Variants in USP40 observed in about 807,000 individuals in gnomAD.
USP40 encodes ubiquitin specific peptidase 40, also known as ubiquitin carboxyl-terminal hydrolase 40.
In USP40, 143 loss-of-function variants were observed where a neutral mutation model predicts 166.2. The ratio of observed to expected loss-of-function variants is 0.86; its 90% CI spans 0.75 to 0.99. The LOEUF (loss-of-function observed/expected upper bound fraction) is 0.99, where lower values mean the gene tolerates loss of function less well. USP40 is among the 50% of genes least tolerant of loss of function. USP40 has a pLI of 0.00. For missense variants in USP40, 1,444 were observed against 1,479.7 expected, an observed-to-expected ratio of 0.98 and a Z score of 0.40; for synonymous variants, 498 against 524.0, an observed-to-expected ratio of 0.95 and a Z score of 0.68.
intron 27 of USP40, 46 bp from the exon 28 acceptor site, chr2:233,488,350 A>C: frequency 6.7e-7 from 1 of 1,490,214 alleles, no homozygotes; most frequent in Non-Finnish European, 9.1e-7. Context: ...ATAACATTTA[A>C]TTTTCTTGAA....
At chr2:233,525,632 T>C (rs767727117) in intron 13 of USP40, 70 bp from the exon 14 acceptor site, 233 of 1,162,222 alleles carry the variant, frequency 2.0e-4, no homozygotes, top group Admixed American at 5.5e-4. Context: ...TCCAGGTTAC[T>C]GTGCCAACTC....
chr2:233,530,489 C>T (rs1158368521), intron 11 of USP40, among the ~76,000 whole-genome samples: 1 of 152,134 alleles, frequency 6.6e-6, no homozygotes, highest in Non-Finnish European at 1.5e-5. Context: ...TACTTTAAGA[C>T]AAACTTGTGA....
chr2:233,477,099 G>C lies in USP40; in HGVS notation c.*293C>G. 2.4e-6 allele frequency: 1 copy of C among 417,294 alleles called. No individual in the cohort carries two copies. Among genetic ancestry groups the C allele is most frequent in the South Asian group, 2.1e-5 (1 of 47,390 alleles). The allele number at this position is 417,294 out of a possible 1,614,324, so 25.8% of individuals were successfully genotyped here. A position where few individuals can be genotyped will look rare whatever the true frequency, so the allele number is the denominator to read the frequency against. Reference sequence around the variant, plus strand: ...TCACGCACACGTTGTGCATTTTCTGGTTAAAAGAAAAAAAAAGGCAGCTGG... The same window carrying C: ...TCACGCACACGTTGTGCATTTTCTGCTTAAAAGAAAAAAAAAGGCAGCTGG... On this transcript the variant is annotated 3_prime_UTR_variant, in exon 32 of 32. Transcript: ENST00000678225.
intron 21 of USP40, among the ~76,000 whole-genome samples, chr2:233,509,186 A>T (rs977940156): frequency 2.6e-5 from 4 of 152,204 alleles, no homozygotes; most frequent in Admixed American, 6.5e-5. Context: ...TGGAAAAAAA[A>T]TTTTTTAAGA....
intron 11 of USP40, 59 bp from the exon 12 acceptor site, chr2:233,529,571 A>G: frequency 7.3e-7 from 1 of 1,364,766 alleles, no homozygotes; most frequent in Non-Finnish European, 1.0e-6. Flanking sequence ...TTGCTGGAAG[A>G]GGTAGCATGA....
chr2:233,487,154 T>C (rs1439215519), intron 28 of USP40, among the ~76,000 whole-genome samples: 2 of 152,230 alleles, frequency 1.3e-5, no homozygotes, highest in Non-Finnish European at 2.9e-5. Flanking sequence ...AAGAGAGCTT[T>C]TCCTTTAGAC....
chr2:233,512,802 C>T, intron 18 of USP40, 180 bp from the exon 19 acceptor site: 1 of 325,990 alleles, frequency 3.1e-6, no homozygotes, highest in Non-Finnish European at 5.6e-6. Context: ...ACCAAAAACC[C>T]CCCAACAACC....
intron 9 of USP40, among the ~76,000 whole-genome samples, chr2:233,541,631 A>G (rs1185413856): frequency 6.6e-6 from 1 of 152,264 alleles, no homozygotes; most frequent in East Asian, 1.9e-4. Flanking sequence ...CAATATAATT[A>G]AAGTACTCGA....
intron 8 of USP40, among the ~76,000 whole-genome samples, chr2:233,547,226 T>A (rs2070038540): frequency 6.6e-6 from 1 of 152,190 alleles, no homozygotes; most frequent in African/African-American, 2.4e-5. Context: ...ATCAACATAC[T>A]AAAGAAAGTT....
intron 12 of USP40, 110 bp from the exon 13 acceptor site, chr2:233,527,688 G>A (rs2068136493): frequency 1.9e-6 from 2 of 1,030,236 alleles, no homozygotes; most frequent in Non-Finnish European, 2.7e-6. Flanking sequence ...TCCCACCAAA[G>A]TAACAATTTT....
intron 21 of USP40, among the ~76,000 whole-genome samples, chr2:233,509,169 A>T (rs369689141): frequency 1.3e-5 from 2 of 152,310 alleles, no homozygotes; most frequent in East Asian, 3.9e-4. Flanking sequence ...GTATCAGGGG[A>T]CAGAGCTGGA....
At chr2:233,496,954 T>C (rs1334183256) in intron 23 of USP40, 122 bp from the exon 24 acceptor site, 1 of 654,882 alleles carries the variant, frequency 1.5e-6, no homozygotes, top group Admixed American at 2.9e-5. Context: ...AAAGCAGATA[T>C]GGAAGACACA....
At chr2:233,537,797 C>A (rs2069041946) in intron 10 of USP40, among the ~76,000 whole-genome samples, 1 of 152,120 alleles carries the variant, frequency 6.6e-6, no homozygotes, top group African/African-American at 2.4e-5. Context: ...TTCTGAACTT[C>A]AAGAAATGCT....
In USP40 at chr2:233,498,576, T is replaced by C. The variant is rs753218732; in HGVS notation, c.2687A>G (p.Tyr896Cys). The part of the protein sequence containing the change: ...AWHLRKMDWC[Y>C]EAGEPLCEED... ...TTCACATAAAGGCTCTCCAGCTTCATAGCACCAATCCATTTTTCGTAAATG... is the reference window on the plus strand; with the variant it reads ...TTCACATAAAGGCTCTCCAGCTTCACAGCACCAATCCATTTTTCGTAAATG... Residue 896 changes from tyrosine to cysteine, a missense_variant, in exon 23 of 32, where the codon TAT becomes TGT. Coordinates refer to ENST00000678225, the MANE Select transcript of USP40 (RefSeq NM_001365479.2). The C allele has an allele frequency of 5.0e-6, 8 of 1,613,372 alleles. No homozygotes were observed. In the Middle Eastern group the frequency reaches 4.9e-4, roughly 99 times the overall value.
Position 233,566,761 on chromosome 2 carries a change from C to G in USP40, c.-97G>C, listed in dbSNP as rs2072199729. 1 of 985,932 alleles carries G rather than the reference C, an allele frequency of 1.0e-6. No individual in the cohort carries two copies. The highest frequency in any genetic ancestry group is 1.2e-6 in the Non-Finnish European group (1 of 829,952). The allele number at this position is 985,932 out of a possible 1,614,324, so 61.1% of individuals were successfully genotyped here. A position where few individuals can be genotyped will look rare whatever the true frequency, so the allele number is the denominator to read the frequency against. ...CCCCAACTGGGCGCCGCCATGTTGG[C>G]GAGGGCGGGTCTCCAGAAAGTGATT... is the stretch of plus-strand genomic sequence containing the variant. On this transcript the variant is annotated 5_prime_UTR_variant, in exon 1 of 32. Transcript: ENST00000678225.
intron 11 of USP40, among the ~76,000 whole-genome samples, chr2:233,532,571 A>T (rs1320600922): frequency 6.6e-6 from 1 of 152,156 alleles, no homozygotes; most frequent in African/African-American, 2.4e-5. Context: ...TTTTCCATAC[A>T]TCTCTGCTTT....
intron 8 of USP40, among the ~76,000 whole-genome samples, chr2:233,544,585 T>C (rs563915871): frequency 6.6e-6 from 1 of 152,246 alleles, no homozygotes; most frequent in East Asian, 1.9e-4. Context: ...CAACTCAGGT[T>C]TGGTGGAAAG....
At chr2:233,548,205 G>T (rs1233351165) in intron 8 of USP40, among the ~76,000 whole-genome samples, 1 of 152,114 alleles carries the variant, frequency 6.6e-6, no homozygotes, top group Non-Finnish European at 1.5e-5. Context: ...ACCATTCTAG[G>T]AAGATCAAAG....
At chr2:233,534,954 T>C (rs1169549092) in intron 10 of USP40, among the ~76,000 whole-genome samples, 1 of 152,138 alleles carries the variant, frequency 6.6e-6, no homozygotes, top group Non-Finnish European at 1.5e-5. Context: ...AAAACAACTG[T>C]TGGGAAAGGA....
Sources: gnomAD v4.1 joint callset for allele counts (sites outside exome capture counted in the v4.1 genomes callset) on GRCh38, gnomAD v4.1.1 for gene constraint, MANE v1.5 for transcripts, NCBI Gene and HGNC (gene_info 2026-07-23, HGNC 2026-07-21) for gene names.